The following PDE3B variants were observed in gnomAD, a reference collection of about 807,000 sequenced individuals.
PDE3B encodes the protein cGMP-inhibited 3',5'-cyclic phosphodiesterase 3B.
A neutral mutation model predicts 116.8 loss-of-function variants in PDE3B; 66 were observed. The observed-to-expected ratio is 0.56, with a 90% CI of 0.46 to 0.69. The LOEUF (loss-of-function observed/expected upper bound fraction) is 0.69, where lower values mean the gene tolerates loss of function less well. PDE3B is among the 30% of genes least tolerant of loss of function. The pLI, the probability that PDE3B is intolerant of heterozygous loss-of-function variation, is 0.00. For missense variants in PDE3B, 1,384 were observed against 1,368.1 expected (o/e 1.01, Z -0.18); for synonymous variants, 595 against 533.6 (o/e 1.12, Z -1.59).
the PDE3B span, among the ~76,000 whole-genome samples, chr11:14,889,969 AT>A: frequency 6.6e-6 from 1 of 151,924 alleles, no homozygotes; most frequent in East Asian, 1.9e-4. Flanking sequence ...TCTACTAAAA[AT>A]TACAAAAAAT....
At chr11:14,674,551 G>A in intron 1 of PDE3B, 1 of 440,866 alleles carries the variant, frequency 2.3e-6, no homozygotes, top group South Asian at 1.9e-5. Context: ...CTGTTTTGAA[G>A]CCATTTATAA....
chr11:14,644,437 C>G lies in PDE3B; in HGVS notation c.362C>G (p.Pro121Arg). 1 of 1,612,952 alleles carries G rather than the reference C, an allele frequency of 6.2e-7. No homozygotes were observed. The highest frequency in any genetic ancestry group is 2.2e-5 in the East Asian group (1 of 44,774). The change falls in exon 1 of 16, where the codon CCC becomes CGC. Residue 121 changes from proline (P) to arginine (R), a missense_variant. Physicochemically the swap from Pro to Arg is moderately radical, Grantham distance 103. Coordinates refer to ENST00000282096, the MANE Select transcript of PDE3B (RefSeq NM_000922.4). Reference protein sequence around the residue: ...LLSVCSHSLSPLFSIACAFFF... With the variant: ...LLSVCSHSLSRLFSIACAFFF... ...AGCGTGTGTTCGCACAGCTTGAGCC[C>G]CCTCTTCAGCATCGCCTGTGCCTTC...
intron 1 of PDE3B, among the ~76,000 whole-genome samples, chr11:14,754,599 C>G (rs10430883): frequency 6.6e-6 from 1 of 151,974 alleles, no homozygotes; most frequent in Non-Finnish European, 1.5e-5. Context: ...TATATGACAA[C>G]GTTTTGTTAA....
At chr11:14,809,692 G>A (rs749953399) in intron 5 of PDE3B, among the ~76,000 whole-genome samples, 18 of 152,106 alleles carry the variant, frequency 1.2e-4, no homozygotes, top group Admixed American at 3.9e-4. Flanking sequence ...AATGAGATTA[G>A]TGCTCTTATA....
the PDE3B span, chr11:14,880,060 G>T: frequency 6.8e-7 from 1 of 1,474,638 alleles, no homozygotes; most frequent in Non-Finnish European, 9.4e-7. Flanking sequence ...AATGTATTGT[G>T]CATGGCCAAG....
At chr11:14,729,825 A>G (rs1856407262) in intron 1 of PDE3B, among the ~76,000 whole-genome samples, 1 of 152,226 alleles carries the variant, frequency 6.6e-6, no homozygotes, top group South Asian at 2.1e-4. Flanking sequence ...TGGATGACTA[A>G]AATGATTGAA....
intron 5 of PDE3B, among the ~76,000 whole-genome samples, chr11:14,805,281 T>A (rs1858884307): frequency 1.3e-5 from 2 of 152,166 alleles, no homozygotes; most frequent in African/African-American, 4.8e-5. Flanking sequence ...ACAATAATGA[T>A]ATTGACAGTG....
intron 9 of PDE3B, 45 bp from the exon 10 acceptor site, chr11:14,832,677 G>C (rs1488623443): frequency 9.5e-6 from 7 of 738,252 alleles, no homozygotes; most frequent in Non-Finnish European, 1.6e-5. Context: ...GCTACAAATA[G>C]AAATTCTGAT....
chr11:14,879,388 C>A, the PDE3B span: 1 of 1,609,096 alleles, frequency 6.2e-7, no homozygotes, highest in Non-Finnish European at 8.5e-7. Flanking sequence ...ATTTGTCGTC[C>A]CAAGAAGGCT....
At chr11:14,867,798 G>T in intron 15 of PDE3B, 40 bp downstream of exon 15, 8 of 1,528,870 alleles carry the variant, frequency 5.2e-6, no homozygotes, top group Non-Finnish European at 7.1e-6. Flanking sequence ...TAATGTTATA[G>T]GTTGAGTATT....
chr11:14,837,959 T>C (rs905389914), intron 11 of PDE3B, among the ~76,000 whole-genome samples: 2 of 151,948 alleles, frequency 1.3e-5, no homozygotes, highest in Non-Finnish European at 2.9e-5. Context: ...AAGAAACCCT[T>C]ATTTTTTTTT....
chr11:14,850,126 G>A (rs1847711025), intron 12 of PDE3B, among the ~76,000 whole-genome samples: 1 of 152,184 alleles, frequency 6.6e-6, no homozygotes, highest in East Asian at 1.9e-4. Flanking sequence ...AAGAAAATGT[G>A]GCACATATAC....
intron 5 of PDE3B, among the ~76,000 whole-genome samples, chr11:14,812,590 C>T (rs1426651988): frequency 6.6e-6 from 1 of 152,018 alleles, no homozygotes; most frequent in Non-Finnish European, 1.5e-5. Flanking sequence ...AAGAAGAAAA[C>T]ATGACACTGA....
chr11:14,897,406 A>G, the PDE3B span, among the ~76,000 whole-genome samples: 1 of 152,150 alleles, frequency 6.6e-6, no homozygotes, highest in African/African-American at 2.4e-5. Flanking sequence ...AGAGGAAACA[A>G]GAAGAGAGTG....
At chr11:14,890,332 G>C in the PDE3B span, 1 of 297,516 alleles carries the variant, frequency 3.4e-6, no homozygotes, top group African/African-American at 2.3e-5. Context: ...TGTGTACCAA[G>C]ATACCAAAGA....
At chr11:14,688,142 T>TCTCTCC (rs1834673609) in intron 1 of PDE3B, among the ~76,000 whole-genome samples, 1 of 101,342 alleles carries the variant, frequency 9.9e-6, no homozygotes, top group Admixed American at 1.0e-4. Context: ...TCTCTCTCTC[T>TCTCTCC]CCCTCCCTCC....
intron 12 of PDE3B, among the ~76,000 whole-genome samples, chr11:14,850,424 C>T (rs949421188): frequency 1.3e-5 from 2 of 151,806 alleles, no homozygotes; most frequent in Non-Finnish European, 2.9e-5. Context: ...ACCAGCATGG[C>T]ACATGTATAC....
chr11:14,704,906 A>G (rs755494733), intron 1 of PDE3B, among the ~76,000 whole-genome samples: 3 of 151,760 alleles, frequency 2.0e-5, no homozygotes, highest in South Asian at 2.1e-4. Flanking sequence ...AAAGTTATCA[A>G]TAAGAAAATT....
chr11:14,647,368 T>C (rs1282394418), intron 1 of PDE3B, among the ~76,000 whole-genome samples: 1 of 152,054 alleles, frequency 6.6e-6, no homozygotes, highest in African/African-American at 2.4e-5. Flanking sequence ...AATCTTAGTA[T>C]CCTGTCAAAT....
Sources: allele counts gnomAD v4.1 joint callset (sites outside exome capture counted in the v4.1 genomes callset), GRCh38; gene constraint gnomAD v4.1.1; transcripts MANE v1.5; gene names NCBI Gene and HGNC (gene_info 2026-07-23, HGNC 2026-07-21).